The following CCDC39 variants were observed in gnomAD, a reference collection of about 807,000 sequenced individuals.
CCDC39 encodes the protein coiled-coil domain-containing protein 39.
CCDC39 carries 113 observed loss-of-function variants against 121.0 expected under a neutral mutation model. The ratio of observed to expected loss-of-function variants is 0.93; its 90% CI spans 0.80 to 1.09. The LOEUF (loss-of-function observed/expected upper bound fraction) is 1.09. CCDC39 is among the 50% of genes least tolerant of loss of function. The pLI, the probability that CCDC39 is intolerant of heterozygous loss-of-function variation, is 0.00. For missense variants in CCDC39, 1,063 were observed against 1,074.7 expected, an observed-to-expected ratio of 0.99 and a Z score of 0.15; for synonymous variants, 349 against 352.2, an observed-to-expected ratio of 0.99 and a Z score of 0.10.
intron 6 of CCDC39, 21 bp downstream of exon 6, chr3:180,659,431 A>C: frequency 6.2e-7 from 1 of 1,612,314 alleles, no homozygotes; most frequent in South Asian, 1.1e-5. Flanking sequence ...GAACATTACA[A>C]GGACCAAACA....
rs1474803467 is a variant in CCDC39, at chr3:180,651,434, T to C, written c.1134A>G (p.Glu378=). 7 of 1,560,082 alleles carry C rather than the reference T, an allele frequency of 4.5e-6. No individual in the cohort carries two copies. The highest frequency in any genetic ancestry group is 1.4e-5 in the African/African-American group (1 of 73,704). ...CTTTTTCCTCCTCCTTTAGCATATC[T>C]TCCAAATTAGTAGCTTTCTCTTCTA... is the stretch of plus-strand genomic sequence containing the variant. ...MSVEEKATNL[E]DMLKEEEKDV... The change falls in exon 9 of 20, where the codon GAA becomes GAG. Residue 378 remains glutamate, a synonymous_variant. Coordinates refer to ENST00000476379, the MANE Select transcript of CCDC39 (RefSeq NM_181426.2).
At chr3:180,647,006 T>C (rs1718081234) in intron 11 of CCDC39, 73 bp downstream of exon 11, 3 of 1,402,850 alleles carry the variant, frequency 2.1e-6, no homozygotes, top group Non-Finnish European at 3.0e-6. Context: ...TCCAAAGTAG[T>C]CTTAAGAACA....
At position 180,644,083 on chromosome 3, in the gene CCDC39, G is replaced by A. The variant is rs371433895; in HGVS notation, c.1665+37C>T. The A allele has an allele frequency of 7.6e-6, 11 of 1,451,896 alleles. No individual in the cohort carries two copies. The African/African-American group carries it at 1.3e-4, about 17-fold the overall frequency. 89.9% of individuals were successfully genotyped at this position (1,451,896 alleles called of 1,614,324 possible). ...TGTCTACAATTAACATGGAAACATG[G>A]TTTTCAATACTACATATGCATACAA... On this transcript the variant is annotated intron_variant, in intron 12 of 19. Coordinates refer to ENST00000476379, the MANE Select transcript of CCDC39 (RefSeq NM_181426.2).
intron 16 of CCDC39, among the ~76,000 whole-genome samples, chr3:180,618,317 A>C (rs968090037): frequency 1.3e-5 from 2 of 152,186 alleles, no homozygotes; most frequent in Non-Finnish European, 1.5e-5. Flanking sequence ...AAATAAAACA[A>C]TGACAATTGA....
In CCDC39 at chr3:180,641,271, T is replaced by C. The variant is rs117642043; in HGVS notation, c.1874+722A>G. On this transcript the variant is annotated intron_variant, in intron 13 of 19. Coordinates refer to ENST00000476379, the MANE Select transcript of CCDC39 (RefSeq NM_181426.2). ...GTAAAGGATAAAAATAGATAGGAGCTCAATGTGGTAAAAGGTATCTAAAAA... is the reference window on the plus strand; with the variant it reads ...GTAAAGGATAAAAATAGATAGGAGCCCAATGTGGTAAAAGGTATCTAAAAA... Among the ~76,000 whole-genome samples, 552 of 152,088 alleles carry C rather than the reference T, an allele frequency of 3.6e-3. 11 individuals are homozygous for C. The East Asian group carries it at 0.068, about 19-fold the overall frequency.
At chr3:180,655,509 A>T (rs1196201281) in intron 6 of CCDC39, among the ~76,000 whole-genome samples, 1 of 151,878 alleles carries the variant, frequency 6.6e-6, no homozygotes, top group East Asian at 1.9e-4. Context: ...ATTAGTCGAC[A>T]TTATACTTTC....
At chr3:180,644,613 G>T (rs1718030815) in intron 11 of CCDC39, among the ~76,000 whole-genome samples, 1 of 152,108 alleles carries the variant, frequency 6.6e-6, no homozygotes, top group East Asian at 1.9e-4. Context: ...GGATGTTCAA[G>T]TCCCTTATAT....
chr3:180,647,347 A>T (rs1718097836), intron 10 of CCDC39, 104 bp from the exon 11 acceptor site: 1 of 953,350 alleles, frequency 1.0e-6, no homozygotes, highest in African/African-American at 1.7e-5. Flanking sequence ...ACTAGGCATT[A>T]TCATGTAATA....
At chr3:180,652,334 G>T in intron 7 of CCDC39, 68 bp from the exon 8 acceptor site, 2 of 967,226 alleles carry the variant, frequency 2.1e-6, no homozygotes, top group Non-Finnish European at 3.0e-6. Flanking sequence ...TCATTTCTGA[G>T]TTTTATTCTG....
Position 180,615,534 on chromosome 3 carries a change from A to T in CCDC39, c.2670-457T>A, listed in dbSNP as rs541148567. Among the ~76,000 whole-genome samples, 17 of 152,246 alleles carry T rather than the reference A, an allele frequency of 1.1e-4. No homozygotes were observed. The South Asian group carries it at 2.3e-3, about 20-fold the overall frequency. Reference sequence around the variant, plus strand: ...AAAACAGCTAGCTATATAATTCTGAAAAAAGTTTTAAATATATATTTTATG... The same window carrying T: ...AAAACAGCTAGCTATATAATTCTGATAAAAGTTTTAAATATATATTTTATG... On this transcript the variant is annotated intron_variant, in intron 19 of 19. Transcript: ENST00000476379.
chr3:180,617,985 T>C (rs1717311195), intron 16 of CCDC39, among the ~76,000 whole-genome samples: 1 of 152,174 alleles, frequency 6.6e-6, no homozygotes, highest in African/African-American at 2.4e-5. Context: ...GTACCATTTT[T>C]TTAATCCATT....
rs533055412 is a variant in CCDC39 at position 180,664,928 on chromosome 3, G to A, written c.91-942C>T. Among the ~76,000 whole-genome samples the A allele has an allele frequency of 6.6e-5, 10 of 151,076 alleles. No homozygotes were observed. The South Asian group carries it at 1.9e-3, about 28-fold the overall frequency. ...TCACCATGTTGGCCAGGCTGGTCTC[G>A]AACTCCTGACCTTAGGTGATCTGCC... On this transcript the variant is annotated intron_variant, in intron 1 of 19. Transcript: ENST00000476379.
chr3:180,664,051 A>T, intron 1 of CCDC39, 65 bp from the exon 2 acceptor site: 5 of 1,389,722 alleles, frequency 3.6e-6, no homozygotes, highest in Non-Finnish European at 5.0e-6. Context: ...AAGGACCTAA[A>T]ATCAAAGAAA....
chr3:180,670,639 CTT>C (rs573623299), intron 1 of CCDC39, among the ~76,000 whole-genome samples: 2,975 of 120,366 alleles, frequency 0.025, 85 homozygotes, highest in African/African-American at 0.084. Context: ...TTTTTTTTCT[CTT>C]TTTTTTTTTT....
At chr3:180,639,959 A>G (rs146907309) in intron 13 of CCDC39, among the ~76,000 whole-genome samples, 1 of 152,272 alleles carries the variant, frequency 6.6e-6, no homozygotes, top group Non-Finnish European at 1.5e-5. Flanking sequence ...AAAAAGCCAG[A>G]CAAAAGGCAG....
At chr3:180,640,075 C>T (rs113967161) in intron 13 of CCDC39, among the ~76,000 whole-genome samples, 3,487 of 151,744 alleles carry the variant, frequency 0.023, 99 homozygotes, top group African/African-American at 0.069. Flanking sequence ...GGGGAAGGAC[C>T]GAAGGGAGGA....
At chr3:180,644,002 G>T in intron 12 of CCDC39, 118 bp downstream of exon 12, 1 of 725,604 alleles carries the variant, frequency 1.4e-6, no homozygotes, top group Non-Finnish European at 2.1e-6. Flanking sequence ...TGTTTATATT[G>T]GGTATAGTGA....
chr3:180,677,469 G>C (rs923628645), intron 1 of CCDC39, among the ~76,000 whole-genome samples: 1 of 151,480 alleles, frequency 6.6e-6, no homozygotes, highest in Non-Finnish European at 1.5e-5. Flanking sequence ...AGGGGAAAAG[G>C]AGGTGGGAAA....
At chr3:180,671,510 G>T (rs547174150) in intron 1 of CCDC39, among the ~76,000 whole-genome samples, 1 of 152,280 alleles carries the variant, frequency 6.6e-6, no homozygotes, top group East Asian at 1.9e-4. Context: ...GTGGAGCCAA[G>T]AACCCTCCAG....
Sources: gnomAD v4.1 joint callset for allele counts (sites outside exome capture counted in the v4.1 genomes callset) on GRCh38, gnomAD v4.1.1 for gene constraint, MANE v1.5 for transcripts, NCBI Gene and HGNC (gene_info 2026-07-23, HGNC 2026-07-21) for gene names.